The following UBE2F variants were observed in gnomAD, a reference collection of about 807,000 sequenced individuals.
UBE2F encodes the protein ubiquitin conjugating enzyme E2 F (putative), also known as NEDD8-conjugating enzyme UBE2F.
A neutral mutation model predicts 29.6 loss-of-function variants in UBE2F; 5 were observed. That is an observed-to-expected ratio of 0.17 (90% CI 0.09 to 0.36). UBE2F has a LOEUF of 0.36. Ranked by LOEUF, UBE2F falls within the 10% of genes least tolerant of loss-of-function variation. The probability of loss-of-function intolerance (pLI) is 1.00; values close to 1 mark genes in which losing one functional copy is unlikely to be tolerated. For missense variants in UBE2F, 141 were observed against 228.5 expected (o/e 0.62, Z 2.47); for synonymous variants, 66 against 81.8 (o/e 0.81, Z 1.04).
intron 4 of UBE2F, among the ~76,000 whole-genome samples, chr2:238,007,535 T>C (rs565555702): frequency 1.3e-5 from 2 of 151,890 alleles, no homozygotes; most frequent in Non-Finnish European, 2.9e-5. Context: ...TTTTTAATCA[T>C]GAATGGATGC....
At chr2:238,011,090 C>T (rs1290634920) in intron 4 of UBE2F, among the ~76,000 whole-genome samples, 1 of 152,234 alleles carries the variant, frequency 6.6e-6, no homozygotes, top group Non-Finnish European at 1.5e-5. Flanking sequence ...CACAACTGGG[C>T]TCCTGCTCTG....
intron 4 of UBE2F, among the ~76,000 whole-genome samples, chr2:238,015,132 T>A (rs2064124387): frequency 6.6e-6 from 1 of 152,196 alleles, no homozygotes; most frequent in African/African-American, 2.4e-5. Flanking sequence ...TATAAGAGGA[T>A]ATTGATATAA....
At chr2:238,010,233 G>A (rs368397447) in intron 4 of UBE2F, among the ~76,000 whole-genome samples, 53 of 152,016 alleles carry the variant, frequency 3.5e-4, no homozygotes, top group African/African-American at 1.2e-3. Flanking sequence ...GAGTGCAGTG[G>A]CACAATCTTG....
chr2:238,010,104 A>G (rs558781937), intron 4 of UBE2F, among the ~76,000 whole-genome samples: 2 of 151,810 alleles, frequency 1.3e-5, no homozygotes, highest in Non-Finnish European at 2.9e-5. Flanking sequence ...GCTTTTAAGT[A>G]TTTTATTTGT....
chr2:237,986,230 G>T lies in UBE2F; in HGVS notation c.119-1733G>T, dbSNP rs146107227. The T allele has an allele frequency of 9.6e-4, 315 of 327,526 alleles. 2 individuals are homozygous for T. The highest frequency in any genetic ancestry group is 6.4e-3 in the African/African-American group (283 of 44,050). The allele number at this position is 327,526 out of a possible 1,614,324, so 20.3% of individuals were successfully genotyped here. A position where few individuals can be genotyped will look rare whatever the true frequency, so the allele number is the denominator to read the frequency against. The stretch of plus-strand genomic sequence containing the variant: ...AGTGGTGTGGTCCCGGCTTACTGCA[G>T]CCTCGACTTCCCAGGCTCAGGTGAT... On this transcript the variant is annotated intron_variant, in intron 2 of 9. Coordinates refer to ENST00000272930, the MANE Select transcript of UBE2F (RefSeq NM_080678.3).
chr2:237,967,405 C>G lies in UBE2F; in HGVS notation c.-17+273C>G, dbSNP rs1352933084. Among the ~76,000 whole-genome samples, 2 of 150,798 alleles carry G rather than the reference C, an allele frequency of 1.3e-5. No homozygotes were observed. The highest frequency in any genetic ancestry group is 4.9e-5 in the African/African-American group (2 of 41,234). ...CTCGCCCGGCAGTGAGTGACCGCGG[C>G]GGCGGCGGCGGGGGACGGCCCGCGC... On this transcript the variant is annotated intron_variant, in intron 1 of 9. Coordinates refer to ENST00000272930, the MANE Select transcript of UBE2F (RefSeq NM_080678.3). The surrounding 1 kb of genome is among the most constrained non-coding windows in gnomAD (Gnocchi z 6.3).
intron 5 of UBE2F, among the ~76,000 whole-genome samples, chr2:238,017,448 G>A (rs1245538103): frequency 1.3e-5 from 2 of 152,170 alleles, no homozygotes; most frequent in African/African-American, 2.4e-5. Context: ...AGGTCAACTC[G>A]AGTGAAGAAT....
At position 238,041,504 on chromosome 2, in the gene UBE2F, A is replaced by G; in HGVS notation, c.*166A>G. 1.7e-6 allele frequency: 1 copy of G among 605,738 alleles called. No individual in the cohort carries two copies. The highest frequency in any genetic ancestry group is 2.1e-5 in the South Asian group (1 of 47,128). 37.5% of individuals were successfully genotyped at this position (605,738 alleles called of 1,614,324 possible). ...AAGAAGACCATCTTCATGACTGCTC[A>G]TTGTAGATGGAGAATTCAACATAAA... is the stretch of plus-strand genomic sequence containing the variant. On this transcript the variant is annotated 3_prime_UTR_variant, in exon 10 of 10. Coordinates refer to ENST00000272930, the MANE Select transcript of UBE2F (RefSeq NM_080678.3).
chr2:238,024,538 C>T (rs553585644), intron 5 of UBE2F, among the ~76,000 whole-genome samples: 85 of 152,130 alleles, frequency 5.6e-4, no homozygotes, highest in African/African-American at 2.0e-3. Flanking sequence ...GAGACAGGGT[C>T]TTACTATATT....
At chr2:238,012,772 G>A (rs78733283) in intron 4 of UBE2F, among the ~76,000 whole-genome samples, 2,712 of 152,266 alleles carry the variant, frequency 0.018, 71 homozygotes, top group African/African-American at 0.062. Flanking sequence ...GGTGCCCTAG[G>A]TGGAGGAAGG....
At chr2:237,988,755 G>A (rs940690060) in intron 3 of UBE2F, among the ~76,000 whole-genome samples, 8 of 152,062 alleles carry the variant, frequency 5.3e-5, no homozygotes, top group African/African-American at 1.7e-4. Flanking sequence ...GTGAAAAAGT[G>A]TATAAATCAA....
At chr2:237,969,563 G>A (rs1009071079) in intron 1 of UBE2F, among the ~76,000 whole-genome samples, 1 of 152,170 alleles carries the variant, frequency 6.6e-6, no homozygotes, top group Non-Finnish European at 1.5e-5. Context: ...AGGGCATCTG[G>A]TGCGTCCAGC....
chr2:238,005,710 T>C (rs935971669), intron 4 of UBE2F, among the ~76,000 whole-genome samples: 7 of 152,136 alleles, frequency 4.6e-5, no homozygotes, highest in African/African-American at 1.7e-4. Flanking sequence ...ATTACATGAC[T>C]ATATGTGTGT....
At chr2:238,039,798 A>G (rs1367977228) in intron 9 of UBE2F, among the ~76,000 whole-genome samples, 2 of 152,198 alleles carry the variant, frequency 1.3e-5, no homozygotes, top group Non-Finnish European at 2.9e-5. Flanking sequence ...TGAGGTGAAC[A>G]GGGAGACTAA....
chr2:237,983,150 A>G (rs2106336505), intron 2 of UBE2F, among the ~76,000 whole-genome samples: 1 of 152,258 alleles, frequency 6.6e-6, no homozygotes, highest in Middle Eastern at 3.4e-3. Flanking sequence ...AATATTTTTT[A>G]ATGTAGGGGC....
chr2:238,034,374 G>T (rs1443874648), intron 8 of UBE2F, among the ~76,000 whole-genome samples: 2 of 151,996 alleles, frequency 1.3e-5, no homozygotes, highest in Admixed American at 1.3e-4. Context: ...GTTGCAGTGA[G>T]CCGAGATCAC....
chr2:237,971,389 C>G (rs11694673), intron 1 of UBE2F, among the ~76,000 whole-genome samples: 6,491 of 152,226 alleles, frequency 0.043, 165 homozygotes, highest in South Asian at 0.072. Flanking sequence ...GTGGTGCAAT[C>G]TTAGCTCACT....
intron 4 of UBE2F, among the ~76,000 whole-genome samples, chr2:238,013,806 G>C (rs1453958418): frequency 6.6e-6 from 1 of 152,204 alleles, no homozygotes. Context: ...CAGTGGGGCA[G>C]GGGCCAGGCT....
chr2:237,977,028 C>A (rs1252149391), intron 2 of UBE2F, among the ~76,000 whole-genome samples: 2 of 152,136 alleles, frequency 1.3e-5, no homozygotes, highest in African/African-American at 2.4e-5. Context: ...CAAGGAGGCT[C>A]TGCGTCTCCA....
Sources: allele counts gnomAD v4.1 joint callset (sites outside exome capture counted in the v4.1 genomes callset), GRCh38; gene constraint gnomAD v4.1.1; non-coding constraint Gnocchi (gnomAD v3.1); transcripts MANE v1.5; gene names NCBI Gene and HGNC (gene_info 2026-07-23, HGNC 2026-07-21).